The following RNF121 variants were observed in gnomAD, a reference collection of about 807,000 sequenced individuals.
RNF121 encodes the protein E3 ubiquitin ligase RNF121.
Under a neutral mutation model 46.5 loss-of-function variants are expected in RNF121, and 21 were observed. That is an observed-to-expected ratio of 0.45 (90% CI 0.32 to 0.65). RNF121 has a LOEUF of 0.65. Among genes scored for constraint, RNF121 ranks in the 30% least tolerant of loss-of-function variants. The probability of loss-of-function intolerance (pLI) is 0.04; values close to 1 mark genes in which losing one functional copy is unlikely to be tolerated. For missense variants in RNF121, 346 were observed against 416.0 expected (o/e 0.83, Z 1.46); for synonymous variants, 139 against 144.7 (o/e 0.96, Z 0.28).
At position 71,996,408 on chromosome 11, in the gene RNF121, A is replaced by T; in HGVS notation, c.*93A>T. On this transcript the variant is annotated 3_prime_UTR_variant, in exon 9 of 9. Coordinates refer to ENST00000361756, the MANE Select transcript of RNF121 (RefSeq NM_018320.5). ...CACAAAGACCTCCTGGGTGGGAAAG[A>T]CTCAAAGGGGTGCTTGGGCCACTCA... 1 of 1,503,648 alleles carries T rather than the reference A, an allele frequency of 6.7e-7. No homozygotes were observed. The highest frequency in any genetic ancestry group is 2.4e-4 in the Middle Eastern group (1 of 4,250). 93.1% of individuals were successfully genotyped at this position (1,503,648 alleles called of 1,614,324 possible).
At chr11:71,967,026 C>T (rs373196085) in intron 3 of RNF121, among the ~76,000 whole-genome samples, 4,667 of 147,864 alleles carry the variant, frequency 0.032, 73 homozygotes, top group Middle Eastern at 0.076. Context: ...CACCCGCCAC[C>T]GCGCCCGGCT....
chr11:71,964,059 G>T (rs996642084), intron 3 of RNF121, among the ~76,000 whole-genome samples: 2 of 152,152 alleles, frequency 1.3e-5, no homozygotes, highest in African/African-American at 4.8e-5. Context: ...AAATCAGTTG[G>T]AATTTTGATA....
intron 1 of RNF121, among the ~76,000 whole-genome samples, chr11:71,931,875 A>G (rs1953284959): frequency 6.6e-6 from 1 of 152,330 alleles, no homozygotes; most frequent in African/African-American, 2.4e-5. Flanking sequence ...GATAGACTCT[A>G]ATGTGGAGCC....
rs57683667 is a variant in RNF121, at chr11:71,988,297, G to T, written c.506+1186G>T. 4.1e-3 allele frequency among the ~76,000 whole-genome samples: 631 copies of T among 152,280 alleles called. 9 individuals are homozygous for T. Among genetic ancestry groups the T allele is most frequent in the African/African-American group, 0.015 (609 of 41,556 alleles). On this transcript the variant is annotated intron_variant, in intron 5 of 8. Transcript: ENST00000361756. ...CTGGAGCATGCAGTGAGTCAATGAG[G>T]CAGATGAGGGTGGAAATAATGCTTT... is the stretch of plus-strand genomic sequence containing the variant.
intron 1 of RNF121, among the ~76,000 whole-genome samples, chr11:71,941,956 G>A (rs1041704664): frequency 9.4e-4 from 140 of 148,248 alleles, no homozygotes; most frequent in African/African-American, 3.4e-3. Context: ...TTTTTGAGAC[G>A]GAGTCTTGCT....
intron 5 of RNF121, 57 bp downstream of exon 5, chr11:71,987,168 T>G (rs549076187): frequency 9.2e-7 from 1 of 1,088,392 alleles, no homozygotes; most frequent in African/African-American, 1.5e-5. Context: ...ACTGTTGAGA[T>G]GTACCTCTTG....
At chr11:71,956,558 C>T (rs7931941) in intron 1 of RNF121, among the ~76,000 whole-genome samples, 119,780 of 152,140 alleles carry the variant, frequency 0.79, 50,251 homozygotes, top group Non-Finnish European at 0.94. Context: ...CTAGTGATAT[C>T]GCTAGTTAAT....
chr11:71,990,300 T>C (rs1469535784), intron 5 of RNF121, among the ~76,000 whole-genome samples: 4 of 152,294 alleles, frequency 2.6e-5, no homozygotes, highest in African/African-American at 9.6e-5. Context: ...CCTGGGTAGC[T>C]GCAAGTCATT....
In RNF121 at chr11:71,955,617, T is replaced by A. The variant is rs570148762; in HGVS notation, c.64-1610T>A. Reference sequence around the variant, plus strand: ...GAAAAATAGGGAAGGGCATTGTAAGTACAAGGAAGGGTATGCAAAGGCCCA... The same window carrying A: ...GAAAAATAGGGAAGGGCATTGTAAGAACAAGGAAGGGTATGCAAAGGCCCA... On this transcript the variant is annotated intron_variant, in intron 1 of 8. Coordinates refer to ENST00000361756, the MANE Select transcript of RNF121 (RefSeq NM_018320.5). 3.9e-5 allele frequency among the ~76,000 whole-genome samples: 6 copies of A among 152,194 alleles called. No homozygotes were observed. The East Asian group carries it at 1.2e-3, about 29-fold the overall frequency.
intron 1 of RNF121, among the ~76,000 whole-genome samples, chr11:71,953,080 C>G (rs1212818010): frequency 1.3e-5 from 2 of 152,222 alleles, no homozygotes; most frequent in East Asian, 3.8e-4. Flanking sequence ...GTCACCCAGA[C>G]TGGAGTGCAT....
At chr11:71,948,611 G>A (rs974751849) in intron 1 of RNF121, among the ~76,000 whole-genome samples, 1 of 149,678 alleles carries the variant, frequency 6.7e-6, no homozygotes, top group Non-Finnish European at 1.5e-5. Context: ...GGCAGCAGCT[G>A]TAGCAGCTGT....
At chr11:71,980,387 C>T (rs929318594) in intron 3 of RNF121, among the ~76,000 whole-genome samples, 19 of 152,026 alleles carry the variant, frequency 1.2e-4, no homozygotes, top group African/African-American at 4.4e-4. Flanking sequence ...CACTCTGTCA[C>T]CTAGGCTGGA....
intron 1 of RNF121, among the ~76,000 whole-genome samples, chr11:71,945,154 A>AT (rs1361364789): frequency 6.6e-6 from 1 of 151,640 alleles, no homozygotes; most frequent in Non-Finnish European, 1.5e-5. Context: ...CACTTGGCTA[A>AT]TTTTTAAATT....
chr11:71,967,354 T>TG (rs1190667399), intron 3 of RNF121, among the ~76,000 whole-genome samples: 19 of 135,434 alleles, frequency 1.4e-4, no homozygotes, highest in Admixed American at 8.1e-4. Context: ...TTTTTGTTTT[T>TG]TTTTTTTTTT....
intron 7 of RNF121, 34 bp downstream of exon 7, chr11:71,994,886 C>A (rs761113564): frequency 1.9e-6 from 3 of 1,613,758 alleles, no homozygotes; most frequent in South Asian, 2.2e-5. Flanking sequence ...CCACATCTCT[C>A]CTGCAATCTG....
At chr11:71,940,347 AAAAC>A (rs1221024611) in intron 1 of RNF121, among the ~76,000 whole-genome samples, 4 of 152,210 alleles carry the variant, frequency 2.6e-5, no homozygotes, top group Non-Finnish European at 5.9e-5. Context: ...CCGGTAGAAA[AAAAC>A]AAAGTACTGT....
At chr11:71,954,893 G>A (rs943545601) in intron 1 of RNF121, among the ~76,000 whole-genome samples, 2 of 152,162 alleles carry the variant, frequency 1.3e-5, no homozygotes, top group South Asian at 4.1e-4. Context: ...GTGCTGGTTT[G>A]TCAGCATACT....
chr11:71,970,237 G>A (rs1298519180), intron 3 of RNF121, among the ~76,000 whole-genome samples: 1 of 152,072 alleles, frequency 6.6e-6, no homozygotes, highest in African/African-American at 2.4e-5. Context: ...GGCCTATAGA[G>A]CTTCCATTTT....
chr11:71,965,016 T>A (rs989278903), intron 3 of RNF121, among the ~76,000 whole-genome samples: 4 of 152,182 alleles, frequency 2.6e-5, no homozygotes, highest in African/African-American at 9.7e-5. Context: ...TGTTTATTTG[T>A]TATAAAAAAA....
Sources: gnomAD v4.1 joint callset for allele counts (sites outside exome capture counted in the v4.1 genomes callset) on GRCh38, gnomAD v4.1.1 for gene constraint, MANE v1.5 for transcripts, NCBI Gene and HGNC (gene_info 2026-07-23, HGNC 2026-07-21) for gene names.